PHTF1: variants seen among roughly 807,000 people sequenced by gnomAD.
The protein encoded by PHTF1 is protein PHTF1.
PHTF1 carries 88 observed loss-of-function variants against 102.4 expected under a neutral mutation model. That is an observed-to-expected ratio of 0.86 (90% CI 0.72 to 1.03). The LOEUF (loss-of-function observed/expected upper bound fraction) is 1.03, where lower values mean the gene tolerates loss of function less well. Ranked by LOEUF, PHTF1 falls within the 50% of genes least tolerant of loss-of-function variation. PHTF1 has a pLI of 0.00. For synonymous variants in PHTF1, 289 were observed against 305.2 expected (o/e 0.95, Z 0.55); for missense variants, 814 against 909.5 (o/e 0.89, Z 1.35).
chr1:113,715,527 A>T (rs1471649217), intron 7 of PHTF1, among the ~76,000 whole-genome samples: 1 of 151,714 alleles, frequency 6.6e-6, no homozygotes, highest in Non-Finnish European at 1.5e-5. Context: ...ATGTGCCTGT[A>T]GTCCCAGCTA....
intron 7 of PHTF1, among the ~76,000 whole-genome samples, chr1:113,715,773 A>T (rs1339123507): frequency 6.8e-6 from 1 of 148,090 alleles, no homozygotes; most frequent in East Asian, 2.0e-4. Flanking sequence ...GAAATAACTA[A>T]AAAAAAAAAA....
At chr1:113,735,861 T>C (rs1366034146) in intron 5 of PHTF1, among the ~76,000 whole-genome samples, 3 of 152,222 alleles carry the variant, frequency 2.0e-5, no homozygotes, top group Non-Finnish European at 4.4e-5. Flanking sequence ...TTCTAATTCA[T>C]ATCTTTTTGC....
At chr1:113,758,062 A>G (rs1359723347) in intron 2 of PHTF1, among the ~76,000 whole-genome samples, 3 of 152,030 alleles carry the variant, frequency 2.0e-5, no homozygotes, top group Non-Finnish European at 2.9e-5. Flanking sequence ...AGCCTGACCA[A>G]CATGGTGAAA....
At chr1:113,706,769 C>A in intron 11 of PHTF1, 47 bp from the exon 12 acceptor site, 1 of 1,434,576 alleles carries the variant, frequency 7.0e-7, no homozygotes, top group South Asian at 1.3e-5. Flanking sequence ...CCTCTTGCCT[C>A]CATTAGTTTT....
At chr1:113,738,331 T>C in intron 4 of PHTF1, 63 bp from the exon 5 acceptor site, 1 of 1,239,600 alleles carries the variant, frequency 8.1e-7, no homozygotes, top group Non-Finnish European at 1.1e-6. Context: ...AGGCCACCTG[T>C]AGCACTACAT....
At chr1:113,717,355 G>A (rs1379604100) in intron 7 of PHTF1, among the ~76,000 whole-genome samples, 1 of 152,046 alleles carries the variant, frequency 6.6e-6, no homozygotes, top group Non-Finnish European at 1.5e-5. Context: ...AGTGGCAGGA[G>A]TAAGTCCTTA....
At position 113,704,525 on chromosome 1, in the gene PHTF1, ACTT is replaced by A. The variant is rs1401252125; in HGVS notation, c.1803+138_1803+140del. On this transcript the variant is annotated intron_variant, in intron 14 of 18. Transcript: ENST00000369604. ...CAGCTTTGCAGAGAGATGACATCCAACTTGCTGTCCAGCAAGTCTGTCAGCTGC... is the reference window on the plus strand; with the variant it reads ...CAGCTTTGCAGAGAGATGACATCCAAGCTGTCCAGCAAGTCTGTCAGCTGC... 33 of 601,434 alleles carry A rather than the reference ACTT, an allele frequency of 5.5e-5. No individual in the cohort carries two copies. In the African/African-American group the frequency reaches 6.0e-4, roughly 11 times the overall value. The allele number at this position is 601,434 out of a possible 1,614,324, so 37.3% of individuals were successfully genotyped here.
At position 113,697,266 on chromosome 1, in the gene PHTF1, G is replaced by C. The variant is rs1648904289; in HGVS notation, c.*439C>G. On this transcript the variant is annotated 3_prime_UTR_variant, in exon 19 of 19. Coordinates refer to ENST00000369604, the MANE Select transcript of PHTF1 (RefSeq NM_001323043.2). ...AAAATAGTTCGCTTGATCTCTCTTT[G>C]ATAGAGAAATGAAATCTCCAGTTCT... 3 of 153,598 alleles carry C rather than the reference G, an allele frequency of 2.0e-5. No individual in the cohort carries two copies. Among genetic ancestry groups the C allele is most frequent in the Non-Finnish European group, 2.9e-5 (2 of 69,018 alleles). The allele number at this position is 153,598 out of a possible 1,614,324, so 9.5% of individuals were successfully genotyped here. A position where few individuals can be genotyped will look rare whatever the true frequency, so the allele number is the denominator to read the frequency against.
At chr1:113,699,082 G>C (rs1421592010) in intron 17 of PHTF1, 1 of 161,420 alleles carries the variant, frequency 6.2e-6, no homozygotes, top group South Asian at 1.8e-4. Context: ...GCAGTCCCCA[G>C]TCAAAGTGCA....
intron 3 of PHTF1, among the ~76,000 whole-genome samples, chr1:113,755,310 C>G (rs889228971): frequency 1.3e-5 from 2 of 151,996 alleles, no homozygotes; most frequent in African/African-American, 4.8e-5. Context: ...AAAAAGATAT[C>G]TGGGCTTTTC....
chr1:113,739,946 G>A (rs193183934), intron 3 of PHTF1, among the ~76,000 whole-genome samples: 2 of 152,284 alleles, frequency 1.3e-5, no homozygotes, highest in Admixed American at 1.3e-4. Context: ...ATTCCACTGT[G>A]TATATATACC....
intron 17 of PHTF1, chr1:113,698,913 A>G (rs1192863681): frequency 6.2e-6 from 1 of 160,664 alleles, no homozygotes; most frequent in Non-Finnish European, 1.3e-5. Context: ...TGGGTCCTCT[A>G]CATGGAGAGT....
intron 15 of PHTF1, among the ~76,000 whole-genome samples, chr1:113,702,950 A>T (rs935766170): frequency 2.6e-5 from 4 of 152,228 alleles, no homozygotes; most frequent in Non-Finnish European, 4.4e-5. Context: ...TGGATCCTGG[A>T]TTCAGAAAAA....
intron 5 of PHTF1, among the ~76,000 whole-genome samples, chr1:113,733,129 T>A (rs772687354): frequency 2.0e-4 from 25 of 125,902 alleles, no homozygotes; most frequent in Non-Finnish European, 3.2e-4. Context: ...GGTCTCAAAC[T>A]CCTGGCCTCA....
chr1:113,746,954 C>A lies in PHTF1; in HGVS notation c.103-8155G>T, dbSNP rs1280753806. The A allele has an allele frequency of 2.6e-5, 6 of 230,180 alleles. No homozygotes were observed. The South Asian group carries it at 8.0e-4, about 31-fold the overall frequency. The allele number at this position is 230,180 out of a possible 1,614,324, so 14.3% of individuals were successfully genotyped here. On this transcript the variant is annotated intron_variant, in intron 3 of 18. Transcript: ENST00000369604. ...AATTTCAGATGTTATCCATTCATTTCTTACTGTTGAAGATGAGGAAATAAC... is the reference window on the plus strand; with the variant it reads ...AATTTCAGATGTTATCCATTCATTTATTACTGTTGAAGATGAGGAAATAAC...
At chr1:113,735,778 A>C (rs901222709) in intron 5 of PHTF1, among the ~76,000 whole-genome samples, 3 of 152,212 alleles carry the variant, frequency 2.0e-5, no homozygotes, top group Non-Finnish European at 2.9e-5. Context: ...TATATCTTAA[A>C]AAAATTTTTA....
intron 6 of PHTF1, chr1:113,725,468 C>T (rs1653683465): frequency 6.6e-6 from 1 of 151,946 alleles, no homozygotes; most frequent in Non-Finnish European, 1.5e-5. Flanking sequence ...TTCATTGCAC[C>T]TAATGGAAAA....
chr1:113,716,342 CTTTTTTTT>C (rs1180513920), intron 7 of PHTF1, among the ~76,000 whole-genome samples: 44 of 120,958 alleles, frequency 3.6e-4, no homozygotes, highest in Non-Finnish European at 6.1e-4. Flanking sequence ...TTATTTTTCC[CTTTTTTTT>C]TTTTTTTTTT....
intron 14 of PHTF1, 76 bp downstream of exon 14, chr1:113,704,590 T>G: frequency 9.4e-7 from 1 of 1,067,690 alleles, no homozygotes. Context: ...CTACACTGTC[T>G]ACTGAGTAAC....
Sources: allele counts gnomAD v4.1 joint callset (sites outside exome capture counted in the v4.1 genomes callset), GRCh38; gene constraint gnomAD v4.1.1; transcripts MANE v1.5; gene names NCBI Gene and HGNC (gene_info 2026-07-23, HGNC 2026-07-21).